SYT5: variants seen among roughly 807,000 people sequenced by gnomAD.
SYT5 encodes synaptotagmin-5.
SYT5 carries 29 observed loss-of-function variants against 36.0 expected under a neutral mutation model. The observed-to-expected ratio is 0.81, with a 90% CI of 0.60 to 1.10. The LOEUF is 1.10. SYT5 is among the 50% of genes least tolerant of loss of function. The pLI is 0.00. For missense variants in SYT5, 512 were observed against 516.0 expected (o/e 0.99, Z 0.08); for synonymous variants, 231 against 227.6 (o/e 1.02, Z -0.14).
rs529105575 is a variant in SYT5, at chr19:55,176,276, A to G, written c.253-152T>C. On this transcript the variant is annotated intron_variant, in intron 3 of 8. Transcript: ENST00000354308. ...CAGTATTTGACTAGTGCTGTCTGCC[A>G]CAGGCAGGAAATAGACGTGGTAACA... The G allele has an allele frequency of 9.3e-5, 96 of 1,027,344 alleles. No individual in the cohort carries two copies. The African/African-American group carries it at 1.3e-3, about 13-fold the overall frequency. 63.6% of individuals were successfully genotyped at this position (1,027,344 alleles called of 1,614,324 possible).
chr19:55,178,368 A>G lies in SYT5; in HGVS notation c.80T>C (p.Val27Ala). ...PDSSRISHGP[V>A]PPWALATIVL... ...GATGGTGGCCAGGGCCCAGGGGGGC[A>G]CTGCAGAGGGGTGGAGACAACACAC... Residue 27 changes from valine to alanine, a missense_variant and splice_region_variant, in exon 3 of 9, where the codon GTG (valine) becomes GCG (alanine). Transcript: ENST00000354308. 6.2e-7 allele frequency: 1 copy of G among 1,609,286 alleles called. No homozygotes were observed. Among genetic ancestry groups the G allele is most frequent in the Non-Finnish European group, 8.5e-7 (1 of 1,178,578 alleles).
At position 55,171,389 on chromosome 19, in the gene SYT5, A is replaced by T. The variant is rs528400891; in HGVS notation, c.*2095T>A. On this transcript the variant is annotated 3_prime_UTR_variant, in exon 9 of 9. Coordinates refer to ENST00000354308, the MANE Select transcript of SYT5 (RefSeq NM_003180.3). ...TACTGAATTCCTTTGGAGAAAAATT[A>T]AAAATCTCATGGATATTATAATCTG... 1 of 152,306 alleles carries T rather than the reference A, an allele frequency of 6.6e-6. No individual in the cohort carries two copies. 9.4% of individuals were successfully genotyped at this position (152,306 alleles called of 1,614,324 possible). A position where few individuals can be genotyped will look rare whatever the true frequency, so the allele number is the denominator to read the frequency against.
chr19:55,178,180 C>T lies in SYT5; in HGVS notation c.252+16G>A. ...TGCGGGAAGGGGCCAGGTGGAGGGG[C>T]TGGGCTGGGCCACACCTTGTCTATG... On this transcript the variant is annotated intron_variant, in intron 3 of 8. Transcript: ENST00000354308. 1 of 1,604,710 alleles carries T rather than the reference C, an allele frequency of 6.2e-7. No homozygotes were observed. The highest frequency in any genetic ancestry group is 8.5e-7 in the Non-Finnish European group (1 of 1,175,694).
intron 8 of SYT5, chr19:55,174,013 G>C: frequency 3.2e-6 from 1 of 316,726 alleles, no homozygotes; most frequent in Non-Finnish European, 5.7e-6. Context: ...GGCCGGGCTA[G>C]GGTAGGCGCC....
rs1453496406 is a variant in SYT5, at chr19:55,173,538, G to A, written c.1107C>T (p.Ala369=). 10 of 1,426,566 alleles carry A rather than the reference G, an allele frequency of 7.0e-6. No individual in the cohort carries two copies. In the East Asian group the frequency reaches 2.7e-4, roughly 38 times the overall value. The allele number at this position is 1,426,566 out of a possible 1,614,324, so 88.4% of individuals were successfully genotyped here. The change falls in exon 9 of 9, where the codon GCC becomes GCT. Residue 369 remains alanine (A), a synonymous_variant. Coordinates refer to ENST00000354308, the MANE Select transcript of SYT5 (RefSeq NM_003180.3). This position sits in a 1 kb window ranked among gnomAD's most constrained non-coding sequence, Gnocchi z 5.4. ...DMLANPRRPI[A]QWHSLRPPDR... is the part of the protein sequence containing the mutation. Reference sequence around the variant, plus strand: ...CCGGGGGCCGCAGCGAGTGCCACTGGGCAATGGGCCGCCGCGGGTTGGCCA... The same window carrying A: ...CCGGGGGCCGCAGCGAGTGCCACTGAGCAATGGGCCGCCGCGGGTTGGCCA...
Position 55,175,313 on chromosome 19 carries a change from C to T in SYT5, c.567G>A (p.Arg189=), listed in dbSNP as rs756800767. Residue 189 remains arginine (R), a synonymous_variant, in exon 6 of 9, where the codon AGG becomes AGA. Transcript: ENST00000354308. This position sits in a 1 kb window ranked among gnomAD's most constrained non-coding sequence, Gnocchi z 4.5. ...FKVPYVELGG[R]VLVMAVYDFD... ...AGTCGTACACCGCCATGACCAGCAC[C>T]CTGCCCCCCAGCTCCACGTAGGGGA... The T allele has an allele frequency of 1.9e-6, 3 of 1,551,916 alleles. No individual in the cohort carries two copies. In the African/African-American group the frequency reaches 4.1e-5, roughly 21 times the overall value.
At chr19:55,176,812 C>T (rs767274688) in intron 3 of SYT5, among the ~76,000 whole-genome samples, 1 of 152,116 alleles carries the variant, frequency 6.6e-6, no homozygotes, top group Non-Finnish European at 1.5e-5. Context: ...TAAATAGCAT[C>T]CTTTACGGAT....
rs754446973 is a variant in SYT5, at chr19:55,175,289, G to A, written c.591C>T (p.Asp197=). The A allele has an allele frequency of 2.3e-5, 37 of 1,590,050 alleles. 1 individual carries two copies. In the Middle Eastern group the frequency reaches 5.0e-4, roughly 22 times the overall value. The part of the protein sequence containing the change: ...GGRVLVMAVY[D]FDRFSRNDAI... Reference sequence around the variant, plus strand: ...CGTCATTGCGAGAGAAGCGGTCGAAGTCGTACACCGCCATGACCAGCACCC... The same window carrying A: ...CGTCATTGCGAGAGAAGCGGTCGAAATCGTACACCGCCATGACCAGCACCC... The change falls in exon 6 of 9, where the codon GAC becomes GAT. Residue 197 remains aspartate, a synonymous_variant. Coordinates refer to ENST00000354308, the MANE Select transcript of SYT5 (RefSeq NM_003180.3). This position sits in a 1 kb window ranked among gnomAD's most constrained non-coding sequence, Gnocchi z 4.5.
intron 3 of SYT5, among the ~76,000 whole-genome samples, chr19:55,176,540 C>T (rs1243960107): frequency 3.9e-5 from 6 of 152,172 alleles, no homozygotes; most frequent in Non-Finnish European, 8.8e-5. Context: ...TTACTGTGTA[C>T]TTGCCATTCT....
chr19:55,175,191 T>A lies in SYT5; in HGVS notation c.689A>T (p.Gln230Leu), dbSNP rs767549018. Residue 230 changes from glutamine to leucine, a missense_variant, in exon 6 of 9, where the codon CAG becomes CTG. Physicochemically the swap from Gln to Leu is moderately radical, Grantham distance 113. Coordinates refer to ENST00000354308, the MANE Select transcript of SYT5 (RefSeq NM_003180.3). The surrounding 1 kb of genome is among the most constrained non-coding windows in gnomAD (Gnocchi z 4.5). Reference sequence around the variant, plus strand: ...GCTCACCTCCTCCCGCGGAGCCGCCTGCAGCTCCCGCCAGGCCTGCACTGG... The same window carrying A: ...GCTCACCTCCTCCCGCGGAGCCGCCAGCAGCTCCCGCCAGGCCTGCACTGG... ...GRPVQAWREL[Q>L]AAPREEQEKL... 6.2e-7 allele frequency: 1 copy of A among 1,605,728 alleles called. No homozygotes were observed. The highest frequency in any genetic ancestry group is 1.1e-5 in the South Asian group (1 of 90,256).
chr19:55,176,247 G>C lies in SYT5; in HGVS notation c.253-123C>G. The C allele has an allele frequency of 3.0e-6, 4 of 1,354,862 alleles. No individual in the cohort carries two copies. The Admixed American group carries it at 8.1e-5, about 27-fold the overall frequency. The allele number at this position is 1,354,862 out of a possible 1,614,324, so 83.9% of individuals were successfully genotyped here. On this transcript the variant is annotated intron_variant, in intron 3 of 8. Coordinates refer to ENST00000354308, the MANE Select transcript of SYT5 (RefSeq NM_003180.3). ...TACCTGAGCTCTCACAGGCTAAGCAGATTCAGTATTTGACTAGTGCTGTCT... is the reference window on the plus strand; with the variant it reads ...TACCTGAGCTCTCACAGGCTAAGCACATTCAGTATTTGACTAGTGCTGTCT...
chr19:55,173,760 A>G lies in SYT5; in HGVS notation c.961-76T>C. 2 of 1,288,978 alleles carry G rather than the reference A, an allele frequency of 1.6e-6. No individual in the cohort carries two copies. The highest frequency in any genetic ancestry group is 2.5e-5 in the South Asian group (1 of 39,284). The allele number at this position is 1,288,978 out of a possible 1,614,324, so 79.8% of individuals were successfully genotyped here. ...CCCGGAAGGGGCGGTGTCCGTTTTC[A>G]CGGCTGAGGGTACCTCTCGCTGCCA... is the stretch of plus-strand genomic sequence containing the variant. On this transcript the variant is annotated intron_variant, in intron 8 of 8. Transcript: ENST00000354308. This position sits in a 1 kb window ranked among gnomAD's most constrained non-coding sequence, Gnocchi z 5.4.
At chr19:55,177,342 G>A (rs1257580051) in intron 3 of SYT5, 1 of 152,148 alleles carries the variant, frequency 6.6e-6, no homozygotes, top group Non-Finnish European at 1.5e-5. Context: ...ATCTGGATAT[G>A]GGGCCTCAAC....
chr19:55,173,569 T>C lies in SYT5; in HGVS notation c.1076A>G (p.Asp359Gly). ...AGGAGLRHWA[D>G]MLANPRRPIA... The stretch of plus-strand genomic sequence containing the variant: ...GGGCCGCCGCGGGTTGGCCAGCATG[T>C]CCGCCCAGTGCCGCAGGCCAGCCCC... The change falls in exon 9 of 9, where the codon GAC becomes GGC. Residue 359 changes from aspartate to glycine, a missense_variant. By Grantham distance (94) the Asp-to-Gly change is moderately conservative. Coordinates refer to ENST00000354308, the MANE Select transcript of SYT5 (RefSeq NM_003180.3). The surrounding 1 kb of genome is among the most constrained non-coding windows in gnomAD (Gnocchi z 5.4). 1.4e-6 allele frequency: 2 copies of C among 1,456,616 alleles called. No individual in the cohort carries two copies. Among genetic ancestry groups the C allele is most frequent in the Non-Finnish European group, 1.8e-6 (2 of 1,104,956 alleles). 90.2% of individuals were successfully genotyped at this position (1,456,616 alleles called of 1,614,324 possible). A position where few individuals can be genotyped will look rare whatever the true frequency, so the allele number is the denominator to read the frequency against.
In SYT5 at chr19:55,175,995, C is replaced by T. The variant is rs765987175; in HGVS notation, c.372+10G>A. ...CCTCCCTCCAAAGCTTCCCCTTCCT[C>T]CACACCCACCTGGCCACTCTGGAAG... On this transcript the variant is annotated intron_variant, in intron 4 of 8. Coordinates refer to ENST00000354308, the MANE Select transcript of SYT5 (RefSeq NM_003180.3). The surrounding 1 kb of genome is among the most constrained non-coding windows in gnomAD (Gnocchi z 4.5). 4 of 1,613,880 alleles carry T rather than the reference C, an allele frequency of 2.5e-6. No homozygotes were observed. The highest frequency in any genetic ancestry group is 2.2e-5 in the South Asian group (2 of 91,084).
Position 55,173,329 on chromosome 19 carries a change from GAA to G in SYT5, c.*153_*154del. The G allele has an allele frequency of 1.8e-6, 1 of 555,382 alleles. No individual in the cohort carries two copies. The highest frequency in any genetic ancestry group is 2.7e-6 in the Non-Finnish European group (1 of 363,930). 34.4% of individuals were successfully genotyped at this position (555,382 alleles called of 1,614,324 possible). ...TCGTGATTGGCATCGTTGGGGGTGA[GAA>G]GACAGGAATGGTTCAGATGGTTGGG... On this transcript the variant is annotated 3_prime_UTR_variant, in exon 9 of 9. Transcript: ENST00000354308. The surrounding 1 kb of genome is among the most constrained non-coding windows in gnomAD (Gnocchi z 5.4).
chr19:55,178,753 ATTTTTTTT>A (rs5828614), intron 2 of SYT5, among the ~76,000 whole-genome samples: 38 of 50,482 alleles, frequency 7.5e-4, no homozygotes, highest in Admixed American at 3.8e-3. Context: ...TCCGGTTTCG[ATTTTTTTT>A]TTTTTTTTTT....
In SYT5 at chr19:55,179,182, A is replaced by C. The variant is rs1306498629; in HGVS notation, c.-45-96T>G. 4 of 1,534,192 alleles carry C rather than the reference A, an allele frequency of 2.6e-6. No homozygotes were observed. On this transcript the variant is annotated intron_variant, in intron 1 of 8. Transcript: ENST00000354308. This position sits in a 1 kb window ranked among gnomAD's most constrained non-coding sequence, Gnocchi z 4.5. The stretch of plus-strand genomic sequence containing the variant: ...GCCTTTGCGCGAACAGCCGCGCAGA[A>C]ACCGGACAGCCACCGCGAGTCATGC...
Position 55,179,407 on chromosome 19 carries a change from C to T in SYT5, c.-45-321G>A. ...CAGCAGACCGCGTTGCCCAGAGCAACAGCCGGGCTCCTCTCAAGCGGGGTG... is the reference window on the plus strand; with the variant it reads ...CAGCAGACCGCGTTGCCCAGAGCAATAGCCGGGCTCCTCTCAAGCGGGGTG... On this transcript the variant is annotated intron_variant, in intron 1 of 8. Coordinates refer to ENST00000354308, the MANE Select transcript of SYT5 (RefSeq NM_003180.3). The surrounding 1 kb of genome is among the most constrained non-coding windows in gnomAD (Gnocchi z 4.5). 1 of 497,722 alleles carries T rather than the reference C, an allele frequency of 2.0e-6. No homozygotes were observed. The highest frequency in any genetic ancestry group is 3.3e-6 in the Non-Finnish European group (1 of 303,710). The allele number at this position is 497,722 out of a possible 1,614,324, so 30.8% of individuals were successfully genotyped here.
Sources: gnomAD v4.1 joint callset for allele counts (sites outside exome capture counted in the v4.1 genomes callset) on GRCh38, gnomAD v4.1.1 for gene constraint, Gnocchi (gnomAD v3.1) non-coding constraint, MANE v1.5 for transcripts, NCBI Gene and HGNC (gene_info 2026-07-23, HGNC 2026-07-21) for gene names.